Variants in CRLF1 observed in about 807,000 individuals in gnomAD.
CRLF1 encodes cytokine receptor like factor 1, also known as cytokine receptor-like factor 1.
Under a neutral mutation model 48.9 loss-of-function variants are expected in CRLF1, and 36 were observed. The observed-to-expected ratio is 0.74, with a 90% CI of 0.56 to 0.97. The LOEUF is 0.97. Among genes scored for constraint, CRLF1 ranks in the 50% least tolerant of loss-of-function variants. The probability of loss-of-function intolerance (pLI) is 0.00; values close to 1 mark genes in which losing one functional copy is unlikely to be tolerated. For missense variants in CRLF1, 534 were observed against 575.1 expected, an observed-to-expected ratio of 0.93 and a Z score of 0.73; for synonymous variants, 256 against 253.4, an observed-to-expected ratio of 1.01 and a Z score of -0.10.
Position 18,593,932 on chromosome 19 carries a change from G to A in CRLF1, c.1255+133C>T, listed in dbSNP as rs552311010. 8.1e-6 allele frequency: 12 copies of A among 1,476,254 alleles called. No homozygotes were observed. In the Admixed American group the frequency reaches 8.7e-5, roughly 11 times the overall value. The allele number at this position is 1,476,254 out of a possible 1,614,324, so 91.4% of individuals were successfully genotyped here. ...TAAGTAAATGCTGATGAATAACAAAGGAAGAGGACGGATTCCATCTCAGCG... is the reference window on the plus strand; with the variant it reads ...TAAGTAAATGCTGATGAATAACAAAAGAAGAGGACGGATTCCATCTCAGCG... On this transcript the variant is annotated intron_variant, in intron 8 of 8. Transcript: ENST00000392386.
Position 18,596,645 on chromosome 19 carries a change from G to A in CRLF1, c.1001C>T (p.Thr334Ile). 6.2e-7 allele frequency: 1 copy of A among 1,613,836 alleles called. No individual in the cohort carries two copies. Among genetic ancestry groups the A allele is most frequent in the South Asian group, 1.1e-5 (1 of 91,076 alleles). Reference sequence around the variant, plus strand: ...ACCACTGCGGGGAGTGGAGGCGGCTGTGGGGTGGCTCCACTCACTCCAGAT... The same window carrying A: ...ACCACTGCGGGGAGTGGAGGCGGCTATGGGGTGGCTCCACTCACTCCAGAT... ...AGIWSEWSHP[T>I]AASTPRSERP... Residue 334 changes from threonine (T) to isoleucine (I), a missense_variant, in exon 6 of 9, where the codon ACA (threonine) becomes ATA (isoleucine). Coordinates refer to ENST00000392386, the MANE Select transcript of CRLF1 (RefSeq NM_004750.5).
intron 4 of CRLF1, 113 bp downstream of exon 4, chr19:18,598,319 G>A (rs1379445328): frequency 8.4e-6 from 10 of 1,192,328 alleles, no homozygotes; most frequent in Middle Eastern, 2.4e-4. Flanking sequence ...TGCCGGGCTG[G>A]GGAGGGGCAG....
At position 18,600,747 on chromosome 19, in the gene CRLF1, C is replaced by T. The variant is rs1976210682; in HGVS notation, c.116-901G>A. ...AACTCCTGACCTCGTGATCCACCTC[C>T]CTCGGCCTCTCAAAGTGCTGGGATT... is the stretch of plus-strand genomic sequence containing the variant. On this transcript the variant is annotated intron_variant, in intron 1 of 8. Transcript: ENST00000392386. Among the ~76,000 whole-genome samples the T allele has an allele frequency of 1.3e-5, 2 of 152,110 alleles. 1 individual carries two copies. Among genetic ancestry groups the T allele is most frequent in the South Asian group, 4.1e-4 (2 of 4,828 alleles).
At chr19:18,599,415 G>T in intron 2 of CRLF1, 150 bp downstream of exon 2, 1 of 1,182,626 alleles carries the variant, frequency 8.5e-7, no homozygotes, top group Non-Finnish European at 1.2e-6. Flanking sequence ...CGGGTCTCCA[G>T]GTTCTCATTC....
rs1232004375 is a variant in CRLF1 at position 18,599,746 on chromosome 19, C to T, written c.216G>A (p.Glu72=). 1.2e-6 allele frequency: 2 copies of T among 1,601,946 alleles called. No homozygotes were observed. The highest frequency in any genetic ancestry group is 1.7e-6 in the Non-Finnish European group (2 of 1,174,332). ...GCCCGTTGAGGGTCCAGTAGAGGCCCTCGGCGGTGGCTCCTGGTGGGTCTC... is the reference window on the plus strand; with the variant it reads ...GCCCGTTGAGGGTCCAGTAGAGGCCTTCGGCGGTGGCTCCTGGTGGGTCTC... ...VHGDPPGATA[E]GLYWTLNGRR... The change falls in exon 2 of 9, where the codon GAG becomes GAA. Residue 72 remains glutamate (E), a synonymous_variant. Coordinates refer to ENST00000392386, the MANE Select transcript of CRLF1 (RefSeq NM_004750.5).
chr19:18,605,425 A>C, intron 1 of CRLF1, among the ~76,000 whole-genome samples: 2 of 151,502 alleles, frequency 1.3e-5, no homozygotes, highest in African/African-American at 2.4e-5. Context: ...GTGCCCGGCG[A>C]CCCCCGGGGT....
chr19:18,597,026 C>G lies in CRLF1; in HGVS notation c.721G>C (p.Val241Leu). 6.2e-7 allele frequency: 1 copy of G among 1,612,860 alleles called. No individual in the cohort carries two copies. The highest frequency in any genetic ancestry group is 8.5e-7 in the Non-Finnish European group (1 of 1,179,622). Residue 241 changes from valine to leucine, a missense_variant, in exon 5 of 9, where the codon GTG becomes CTG. Around this residue, in one of 2 missense-constraint regions of CRLF1, gnomAD observed 528 missense variants for 555.7 expected, o/e 0.95. Transcript: ENST00000392386. ...AGGCCCCCGACGCGGCTCACGTGCA[C>G]GTCGGGCGGGGGGTCCGTGGTCACT... ...DVVTTDPPPD[V>L]HVSRVGGLED...
intron 1 of CRLF1, 111 bp from the exon 2 acceptor site, chr19:18,599,957 T>C: frequency 2.6e-6 from 3 of 1,169,788 alleles, no homozygotes; most frequent in Middle Eastern, 2.9e-4. Flanking sequence ...TGTTAATGAT[T>C]GTCCCCCATT....
intron 8 of CRLF1, 36 bp downstream of exon 8, chr19:18,594,029 T>TTCTGGGGG: frequency 1.5e-6 from 2 of 1,366,646 alleles, no homozygotes; most frequent in East Asian, 2.5e-5. Context: ...GCCCTCCCCT[T>TTCTGGGGG]GCTCCCTCCC....
intron 1 of CRLF1, 75 bp from the exon 2 acceptor site, chr19:18,599,921 G>A: frequency 7.3e-7 from 1 of 1,376,746 alleles, no homozygotes; most frequent in African/African-American, 1.4e-5. Context: ...GGACCTCCAG[G>A]GTTCATGGTG....
At chr19:18,602,555 C>T (rs992039159) in intron 1 of CRLF1, among the ~76,000 whole-genome samples, 1 of 151,844 alleles carries the variant, frequency 6.6e-6, no homozygotes, top group Non-Finnish European at 1.5e-5. Flanking sequence ...GAAGTTGAGG[C>T]TGCAGTGAGC....
At position 18,599,677 on chromosome 19, in the gene CRLF1, G is replaced by C; in HGVS notation, c.285C>G (p.Thr95=). The C allele has an allele frequency of 6.2e-7, 1 of 1,613,210 alleles. No individual in the cohort carries two copies. The highest frequency in any genetic ancestry group is 8.5e-7 in the Non-Finnish European group (1 of 1,179,788). ...PELSRVLNAS[T]LALALANLNG... is the part of the protein sequence containing the mutation. ...TGAGGTTGGCCAGGGCCAGAGCCAA[G>C]GTGGAGGCGTTGAGTACACGGGAGA... The change falls in exon 2 of 9, where the codon ACC becomes ACG. Residue 95 remains threonine (T), a synonymous_variant. Coordinates refer to ENST00000392386, the MANE Select transcript of CRLF1 (RefSeq NM_004750.5).
intron 1 of CRLF1, 130 bp from the exon 2 acceptor site, chr19:18,599,976 A>G: frequency 9.6e-7 from 1 of 1,038,404 alleles, no homozygotes. Context: ...TTTTACAGAT[A>G]GGGAAGGTAG....
At chr19:18,600,192 A>T (rs749069706) in intron 1 of CRLF1, among the ~76,000 whole-genome samples, 17 of 151,624 alleles carry the variant, frequency 1.1e-4, no homozygotes, top group Non-Finnish European at 1.9e-4. Flanking sequence ...GTTATGACAA[A>T]CACTATGCTT....
chr19:18,605,311 G>C (rs1025785904), intron 1 of CRLF1, among the ~76,000 whole-genome samples: 9 of 152,192 alleles, frequency 5.9e-5, no homozygotes, highest in African/African-American at 1.7e-4. Context: ...CAGGCTTTCA[G>C]CAAGTGCCCC....
intron 2 of CRLF1, chr19:18,599,163 T>C: frequency 1.0e-6 from 1 of 959,730 alleles, no homozygotes; most frequent in Non-Finnish European, 1.2e-6. Context: ...TGGAGTGCAA[T>C]GGTGCCATCT....
At chr19:18,593,991 T>C in intron 8 of CRLF1, 74 bp downstream of exon 8, 2 of 1,528,482 alleles carry the variant, frequency 1.3e-6, no homozygotes, top group African/African-American at 1.4e-5. Flanking sequence ...CGTGGGGGTG[T>C]GAACAAGACC....
At chr19:18,600,864 C>T (rs1344512325) in intron 1 of CRLF1, among the ~76,000 whole-genome samples, 1 of 152,122 alleles carries the variant, frequency 6.6e-6, no homozygotes, top group South Asian at 2.1e-4. Context: ...AGTGCAGTGG[C>T]ACGATCATAG....
intron 1 of CRLF1, among the ~76,000 whole-genome samples, chr19:18,602,526 G>A (rs1194690020): frequency 6.6e-6 from 1 of 152,040 alleles, no homozygotes; most frequent in African/African-American, 2.4e-5. Flanking sequence ...GCTGAGGCAG[G>A]AGGATCGCTG....
Sources: allele counts gnomAD v4.1 joint callset (sites outside exome capture counted in the v4.1 genomes callset), GRCh38; gene constraint gnomAD v4.1.1; regional missense constraint gnomAD v4.1.1; transcripts MANE v1.5; gene names NCBI Gene and HGNC (gene_info 2026-07-23, HGNC 2026-07-21).